PCDHA5: variants seen among roughly 807,000 people sequenced by gnomAD.
The protein encoded by PCDHA5 is protocadherin alpha-5.
In PCDHA5, 43 loss-of-function variants were observed where a neutral mutation model predicts 61.6. That is an observed-to-expected ratio of 0.70 (90% CI 0.55 to 0.90). PCDHA5 has a LOEUF of 0.90. PCDHA5 is among the 40% of genes least tolerant of loss of function. The pLI, the probability that PCDHA5 is intolerant of heterozygous loss-of-function variation, is 0.00. For missense variants in PCDHA5, 1,298 were observed against 1,222.7 expected (o/e 1.06, Z -0.92); for synonymous variants, 627 against 543.9 (o/e 1.15, Z -2.13).
At chr5:140,982,713 A>G (rs2096998735) in intron 3 of PCDHA5, 150 bp downstream of exon 3, 2 of 1,373,774 alleles carry the variant, frequency 1.5e-6, no homozygotes, top group African/African-American at 1.5e-5. Flanking sequence ...CCTTACATAT[A>G]TGATTATTTT....
chr5:140,853,745 C>G lies in PCDHA5; in HGVS notation c.2352+29618C>G. ...TAAGTCCTCATTGAATGTTCTGGTT[C>G]AAGGCTCCACCTCAGAAATTCTGAA... On this transcript the variant is annotated intron_variant, in intron 1 of 3. Transcript: ENST00000529859. 3.0e-6 allele frequency: 3 copies of G among 988,528 alleles called. 1 individual carries two copies. Among genetic ancestry groups the G allele is most frequent in the Non-Finnish European group, 3.7e-6 (3 of 820,460 alleles). The allele number at this position is 988,528 out of a possible 1,614,324, so 61.2% of individuals were successfully genotyped here. A position where few individuals can be genotyped will look rare whatever the true frequency, so the allele number is the denominator to read the frequency against.
chr5:140,900,214 T>C (rs782509259), intron 1 of PCDHA5, among the ~76,000 whole-genome samples: 3 of 152,216 alleles, frequency 2.0e-5, no homozygotes, highest in Non-Finnish European at 4.4e-5. Flanking sequence ...ATCCAGGTTG[T>C]TGCAAATGAC....
chr5:140,836,007 G>A (rs2150250458), intron 1 of PCDHA5: 5 of 1,613,296 alleles, frequency 3.1e-6, no homozygotes, highest in South Asian at 1.1e-5. Context: ...CGATGCGGGC[G>A]TGCCGCCTCT....
chr5:140,871,534 T>G, intron 1 of PCDHA5: 1 of 1,514,416 alleles, frequency 6.6e-7, no homozygotes, highest in Non-Finnish European at 8.9e-7. Context: ...GAAGTGTATG[T>G]GAAATTATTT....
rs529968685 is a variant in PCDHA5 at position 140,857,928 on chromosome 5, C to T, written c.2352+33801C>T. ...ATCCCGTTTCGCGTGGGGCTGTACA[C>T]GGGCGAGATCAGTACGACGCGCGCT... On this transcript the variant is annotated intron_variant, in intron 1 of 3. Coordinates refer to ENST00000529859, the MANE Select transcript of PCDHA5 (RefSeq NM_018908.3). The T allele has an allele frequency of 2.5e-6, 4 of 1,597,668 alleles. No individual in the cohort carries two copies. In the South Asian group the frequency reaches 3.3e-5, roughly 13 times the overall value.
rs976941925 is a variant in PCDHA5, at chr5:140,854,525, C to T, written c.2352+30398C>T. 1.3e-5 allele frequency: 2 copies of T among 149,636 alleles called. 1 individual carries two copies. The highest frequency in any genetic ancestry group is 4.9e-5 in the African/African-American group (2 of 40,820). 9.3% of individuals were successfully genotyped at this position (149,636 alleles called of 1,614,324 possible). A position where few individuals can be genotyped will look rare whatever the true frequency, so the allele number is the denominator to read the frequency against. On this transcript the variant is annotated intron_variant, in intron 1 of 3. Transcript: ENST00000529859. ...CATAAACTGATGGATTAAGTGACAC[C>T]CATTTCTGTCAGTTTTCTTATTCAT...
At chr5:140,986,899 C>G (rs2097217128) in intron 3 of PCDHA5, among the ~76,000 whole-genome samples, 1 of 152,072 alleles carries the variant, frequency 6.6e-6, no homozygotes, top group African/African-American at 2.4e-5. Flanking sequence ...AGGCCCTATC[C>G]TAGACTAATG....
At chr5:140,993,273 T>C (rs1212746492) in intron 3 of PCDHA5, among the ~76,000 whole-genome samples, 1 of 152,176 alleles carries the variant, frequency 6.6e-6, no homozygotes, top group Non-Finnish European at 1.5e-5. Flanking sequence ...TTCTTTGGTC[T>C]TTTCTTGCCC....
intron 1 of PCDHA5, among the ~76,000 whole-genome samples, chr5:140,831,508 C>A (rs2150108067): frequency 6.9e-6 from 1 of 145,360 alleles, no homozygotes; most frequent in Admixed American, 7.1e-5. Context: ...CGAGCACCAC[C>A]ATGCCCCCCA....
intron 1 of PCDHA5, among the ~76,000 whole-genome samples, chr5:140,935,722 G>A (rs1230672751): frequency 6.6e-6 from 1 of 152,006 alleles, no homozygotes; most frequent in Non-Finnish European, 1.5e-5. Context: ...TATATTTAGA[G>A]AAGTCTAGTA....
At chr5:140,914,065 C>CTCCA (rs2076587155) in intron 1 of PCDHA5, among the ~76,000 whole-genome samples, 1 of 152,106 alleles carries the variant, frequency 6.6e-6, no homozygotes. Flanking sequence ...GGATGAAATG[C>CTCCA]TCCATAACTA....
chr5:140,860,307 G>A (rs181918299), intron 1 of PCDHA5: 3 of 152,082 alleles, frequency 2.0e-5, no homozygotes, highest in Admixed American at 2.0e-4. Flanking sequence ...CTTGAGCCTG[G>A]GAAGTTGAGG....
chr5:140,883,119 C>T, intron 1 of PCDHA5: 1 of 1,613,998 alleles, frequency 6.2e-7, no homozygotes, highest in Non-Finnish European at 8.5e-7. Context: ...TTTAGAAGGC[C>T]TGTATGGCCT....
intron 3 of PCDHA5, 71 bp from the exon 4 acceptor site, chr5:141,009,556 A>T: frequency 6.4e-7 from 1 of 1,564,868 alleles, no homozygotes; most frequent in Non-Finnish European, 8.7e-7. Flanking sequence ...GTACTCCTGT[A>T]CTCTACCAGC....
chr5:140,912,101 A>G (rs781989328), intron 1 of PCDHA5, among the ~76,000 whole-genome samples: 2 of 152,194 alleles, frequency 1.3e-5, no homozygotes, highest in Non-Finnish European at 2.9e-5. Context: ...CAGGAGAAAG[A>G]TGTAGGCTGG....
At chr5:140,982,214 TG>T in intron 2 of PCDHA5, 1 of 485,000 alleles carries the variant, frequency 2.1e-6, no homozygotes, top group Non-Finnish European at 3.3e-6. Flanking sequence ...GAGCGCCACA[TG>T]GCGTTAATAA....
chr5:140,922,527 C>T (rs1436336713), intron 1 of PCDHA5, among the ~76,000 whole-genome samples: 2 of 152,130 alleles, frequency 1.3e-5, no homozygotes, highest in East Asian at 3.9e-4. Flanking sequence ...AAGATTGAAC[C>T]TAAGGATGTG....
chr5:140,941,239 C>CTTTCTTTCTTTCTTTA (rs2092937531), intron 1 of PCDHA5, among the ~76,000 whole-genome samples: 1 of 134,502 alleles, frequency 7.4e-6, no homozygotes, highest in African/African-American at 2.9e-5. Context: ...TTCTTTCTTT[C>CTTTCTTTCTTTCTTTA]TTTCTTTCTT....
chr5:140,972,660 AT>A (rs11350929), intron 1 of PCDHA5, among the ~76,000 whole-genome samples: 34,850 of 117,234 alleles, frequency 0.3, 4,025 homozygotes, highest in East Asian at 0.43. Context: ...AAGAAACCAA[AT>A]TTTTTTTTTT....
Sources: allele counts gnomAD v4.1 joint callset (sites outside exome capture counted in the v4.1 genomes callset), GRCh38; gene constraint gnomAD v4.1.1; transcripts MANE v1.5; gene names NCBI Gene and HGNC (gene_info 2026-07-23, HGNC 2026-07-21).